Variants in PCDH7 observed in about 807,000 individuals in gnomAD.
PCDH7 encodes protocadherin 7, also known as protocadherin-7.
A neutral mutation model predicts 58.9 loss-of-function variants in PCDH7; 17 were observed. That is an observed-to-expected ratio of 0.29 (90% CI 0.20 to 0.43). The LOEUF (loss-of-function observed/expected upper bound fraction) is 0.43. PCDH7 is among the 20% of genes least tolerant of loss of function. The pLI, the probability that PCDH7 is intolerant of heterozygous loss-of-function variation, is 1.00. For synonymous variants in PCDH7, 664 were observed against 616.4 expected (o/e 1.08, Z -1.14); for missense variants, 1,274 against 1,441.0 (o/e 0.88, Z 1.88).
intron 1 of PCDH7, among the ~76,000 whole-genome samples, chr4:30,788,178 A>G (rs1723658310): frequency 6.6e-6 from 1 of 152,130 alleles, no homozygotes; most frequent in Non-Finnish European, 1.5e-5. Context: ...TTTTAATTCT[A>G]CCAATAAGTT....
chr4:30,825,022 C>T (rs976052380), intron 1 of PCDH7, among the ~76,000 whole-genome samples: 3 of 151,968 alleles, frequency 2.0e-5, no homozygotes, highest in African/African-American at 4.8e-5. Flanking sequence ...GAATGGATAG[C>T]GCTTGGTGAA....
At chr4:30,989,769 A>G (rs923101000) in intron 3 of PCDH7, among the ~76,000 whole-genome samples, 2 of 152,196 alleles carry the variant, frequency 1.3e-5, no homozygotes, top group African/African-American at 4.8e-5. Flanking sequence ...TTTCCAACAT[A>G]TCACTGATTA....
intron 3 of PCDH7, among the ~76,000 whole-genome samples, chr4:31,091,238 T>A (rs1713207069): frequency 6.6e-6 from 1 of 151,908 alleles, no homozygotes; most frequent in Admixed American, 6.6e-5. Context: ...ATTAAGAATA[T>A]CAATGGAAAA....
chr4:30,746,393 A>G (rs1717783330), intron 1 of PCDH7, among the ~76,000 whole-genome samples: 2 of 152,156 alleles, frequency 1.3e-5, no homozygotes, highest in Admixed American at 1.3e-4. Flanking sequence ...TTTGGTTGTA[A>G]GGCCCTGCAG....
At chr4:30,771,330 A>T (rs899192821) in intron 1 of PCDH7, among the ~76,000 whole-genome samples, 1 of 152,232 alleles carries the variant, frequency 6.6e-6, no homozygotes, top group Non-Finnish European at 1.5e-5. Context: ...AACAAAACAA[A>T]ATAAGACTGT....
chr4:31,074,815 T>G (rs961672429), intron 3 of PCDH7, among the ~76,000 whole-genome samples: 6 of 127,524 alleles, frequency 4.7e-5, no homozygotes, highest in Non-Finnish European at 3.2e-5. Context: ...AAAGCTGTAT[T>G]TATTTGACAG....
chr4:30,721,842 G>A lies in PCDH7; in HGVS notation c.420G>A (p.Thr140=), dbSNP rs540111868. The A allele has an allele frequency of 8.7e-6, 14 of 1,609,408 alleles. No homozygotes were observed. Among genetic ancestry groups the A allele is most frequent in the Middle Eastern group, 1.7e-4 (1 of 6,052 alleles). The change falls in exon 1 of 2, where the codon ACG becomes ACA. Residue 140 remains threonine, a synonymous_variant. Transcript: ENST00000361762. The surrounding 1 kb of genome is among the most constrained non-coding windows in gnomAD (Gnocchi z 6.7). The stretch of plus-strand genomic sequence containing the variant: ...TCGTGCTTGACATCAACGACAACAC[G>A]CCCACCTTCCCGTCGCCCGTGCTCA...
chr4:30,740,079 C>T (rs1459927954), intron 1 of PCDH7, among the ~76,000 whole-genome samples: 4 of 152,138 alleles, frequency 2.6e-5, no homozygotes, highest in African/African-American at 7.2e-5. Flanking sequence ...TGTGCAGCAG[C>T]GTTAAGTAAC....
chr4:30,962,886 T>C (rs1167110451), intron 3 of PCDH7, among the ~76,000 whole-genome samples: 2 of 152,040 alleles, frequency 1.3e-5, no homozygotes, highest in Non-Finnish European at 2.9e-5. Flanking sequence ...GTACGTATCT[T>C]GATAACTGTC....
At chr4:30,736,203 T>A (rs1716230056), downstream of PCDH7, among the ~76,000 whole-genome samples, 1 of 152,158 alleles carries the variant, frequency 6.6e-6, no homozygotes, top group African/African-American at 2.4e-5. Flanking sequence ...TGTTTTTCAC[T>A]GTTGGAAGAA....
At chr4:30,848,594 A>G (rs1578033970) in intron 1 of PCDH7, among the ~76,000 whole-genome samples, 1 of 152,260 alleles carries the variant, frequency 6.6e-6, no homozygotes, top group African/African-American at 2.4e-5. Flanking sequence ...GCTAGCTTTC[A>G]GTACAATTGA....
At chr4:31,065,233 G>T (rs569342660) in intron 3 of PCDH7, among the ~76,000 whole-genome samples, 1 of 151,922 alleles carries the variant, frequency 6.6e-6, no homozygotes, top group Non-Finnish European at 1.5e-5. Context: ...TAAGATCTGT[G>T]TGGCAGCTTC....
At chr4:30,973,853 GA>G (rs946770213) in intron 3 of PCDH7, among the ~76,000 whole-genome samples, 57 of 146,334 alleles carry the variant, frequency 3.9e-4, no homozygotes, top group African/African-American at 7.5e-4. Context: ...TTTCAAAAAA[GA>G]AAAAAAAAAT....
intron 3 of PCDH7, among the ~76,000 whole-genome samples, chr4:31,044,466 G>A (rs1756127713): frequency 6.6e-6 from 1 of 151,950 alleles, no homozygotes; most frequent in South Asian, 2.1e-4. Flanking sequence ...TTATCAGCAA[G>A]AAGAATGCAT....
At chr4:31,033,024 G>A (rs1371851334) in intron 3 of PCDH7, among the ~76,000 whole-genome samples, 1 of 151,194 alleles carries the variant, frequency 6.6e-6, no homozygotes, top group Non-Finnish European at 1.5e-5. Context: ...GTTTACTTTT[G>A]GACAGGAATC....
intron 1 of PCDH7, among the ~76,000 whole-genome samples, chr4:30,861,204 C>T (rs764399110): frequency 2.0e-5 from 3 of 152,168 alleles, no homozygotes; most frequent in East Asian, 3.9e-4. Context: ...ATGCCTCCAA[C>T]GATTCAACAT....
intron 1 of PCDH7, among the ~76,000 whole-genome samples, chr4:30,857,390 C>T (rs780346085): frequency 6.6e-6 from 1 of 152,080 alleles, no homozygotes; most frequent in Non-Finnish European, 1.5e-5. Flanking sequence ...TTAAAGACCA[C>T]AGCCCTTTAA....
chr4:31,025,202 A>C (rs1289926738), intron 3 of PCDH7, among the ~76,000 whole-genome samples: 5 of 152,218 alleles, frequency 3.3e-5, no homozygotes, highest in Non-Finnish European at 7.3e-5. Flanking sequence ...CAAGAAAAGG[A>C]AAGGTTAACA....
chr4:30,918,436 C>T (rs1317918717), intron 1 of PCDH7, among the ~76,000 whole-genome samples: 1 of 151,878 alleles, frequency 6.6e-6, no homozygotes, highest in Non-Finnish European at 1.5e-5. Context: ...AGGGTATTTA[C>T]ATTTCTTTAT....
Sources: gnomAD v4.1 joint callset for allele counts (sites outside exome capture counted in the v4.1 genomes callset) on GRCh38, gnomAD v4.1.1 for gene constraint, Gnocchi (gnomAD v3.1) non-coding constraint, MANE v1.5 for transcripts, NCBI Gene and HGNC (gene_info 2026-07-23, HGNC 2026-07-21) for gene names.